CADM2: variants seen among roughly 807,000 people sequenced by gnomAD.
CADM2 encodes the protein immunoglobulin superfamily member 4D.
Under a neutral mutation model 49.8 loss-of-function variants are expected in CADM2, and 12 were observed. That is an observed-to-expected ratio of 0.24 (90% CI 0.15 to 0.39). The LOEUF is 0.39. Ranked by LOEUF, CADM2 falls within the 10% of genes least tolerant of loss-of-function variation. CADM2 has a pLI of 1.00. For missense variants in CADM2, 378 were observed against 492.3 expected, an observed-to-expected ratio of 0.77 and a Z score of 2.20; for synonymous variants, 214 against 175.4, an observed-to-expected ratio of 1.22 and a Z score of -1.74.
At chr3:85,373,129 C>A (rs1187009156) in intron 1 of CADM2, among the ~76,000 whole-genome samples, 2 of 152,054 alleles carry the variant, frequency 1.3e-5, no homozygotes, top group Non-Finnish European at 2.9e-5. Flanking sequence ...AGTCCACAGC[C>A]CAAAGTATCC....
Position 85,173,050 on chromosome 3 carries a change from G to GA in CADM2, c.61+213383dup, listed in dbSNP as rs2040673941. ...TGCTCTGTCGCCCAGGCTGGGTTGC[G>GA]ATGGTGCAATCTCAGCTCACTGCAA... On this transcript the variant is annotated intron_variant, in intron 1 of 9. Coordinates refer to ENST00000383699, the MANE Select transcript of CADM2 (RefSeq NM_001167675.2). 2.0e-5 allele frequency among the ~76,000 whole-genome samples: 3 copies of GA among 147,888 alleles called. No individual in the cohort carries two copies. In the East Asian group the frequency reaches 6.0e-4, roughly 29 times the overall value.
chr3:84,981,670 T>A (rs2032190363), intron 1 of CADM2, among the ~76,000 whole-genome samples: 1 of 152,098 alleles, frequency 6.6e-6, no homozygotes, highest in Non-Finnish European at 1.5e-5. Context: ...TTTCCTTTCT[T>A]CCTCCTTCCC....
At chr3:85,518,738 T>C (rs60731492) in intron 1 of CADM2, among the ~76,000 whole-genome samples, 294 of 152,224 alleles carry the variant, frequency 1.9e-3, no homozygotes, top group African/African-American at 7.0e-3. Context: ...TCCTCCTTTT[T>C]TCATGGTCTC....
chr3:85,215,571 T>C lies in CADM2; in HGVS notation c.61+255903T>C, dbSNP rs146006051. Among the ~76,000 whole-genome samples, 369 of 151,952 alleles carry C rather than the reference T, an allele frequency of 2.4e-3. 2 individuals are homozygous for C. The highest frequency in any genetic ancestry group is 2.2e-3 in the Non-Finnish European group (150 of 67,954). On this transcript the variant is annotated intron_variant, in intron 1 of 9. Coordinates refer to ENST00000383699, the MANE Select transcript of CADM2 (RefSeq NM_001167675.2). ...CGGAGAGGTAACACAAGCACTCCCTTAACCACCCAAGCTGGTGTCTCACTC... is the reference window on the plus strand; with the variant it reads ...CGGAGAGGTAACACAAGCACTCCCTCAACCACCCAAGCTGGTGTCTCACTC...
chr3:85,537,698 A>G (rs978309562), intron 1 of CADM2, among the ~76,000 whole-genome samples: 8 of 152,036 alleles, frequency 5.3e-5, no homozygotes, highest in African/African-American at 1.4e-4. Context: ...TTTGTGTAAA[A>G]TAACTACAAA....
At chr3:85,579,429 A>G (rs1389991123) in intron 1 of CADM2, among the ~76,000 whole-genome samples, 2 of 152,094 alleles carry the variant, frequency 1.3e-5, no homozygotes, top group Non-Finnish European at 2.9e-5. Context: ...ACAGCATCCT[A>G]ATGGGTCTTT....
intron 1 of CADM2, among the ~76,000 whole-genome samples, chr3:85,150,923 A>AAATAAAAATAAAT (rs1553688804): frequency 8.9e-5 from 13 of 146,816 alleles, no homozygotes; most frequent in African/African-American, 3.0e-4. Flanking sequence ...AAATAAAAAT[A>AAATAAAAATAAAT]AATAATAATA....
intron 1 of CADM2, among the ~76,000 whole-genome samples, chr3:85,313,883 T>C (rs2044402225): frequency 6.6e-6 from 1 of 152,152 alleles, no homozygotes; most frequent in African/African-American, 2.4e-5. Context: ...ATTTAGCTTG[T>C]ATTATCTTAT....
intron 1 of CADM2, among the ~76,000 whole-genome samples, chr3:85,149,456 G>T (rs1176646937): frequency 6.6e-6 from 1 of 152,214 alleles, no homozygotes; most frequent in Non-Finnish European, 1.5e-5. Flanking sequence ...GCCGGGCACG[G>T]TTGCTCACAC....
chr3:86,012,835 A>C (rs916648793), intron 8 of CADM2: 23 of 533,556 alleles, frequency 4.3e-5, no homozygotes, highest in Admixed American at 2.2e-4. Context: ...ATTAGCCGGG[A>C]GCGGTGGCGG....
intron 1 of CADM2, among the ~76,000 whole-genome samples, chr3:85,449,052 A>AAAAAATAATAATAAT (rs71617939): frequency 6.2e-3 from 670 of 107,414 alleles, no homozygotes; most frequent in Non-Finnish European, 9.6e-3. Flanking sequence ...TCCAACTCAA[A>AAAAAATAATAATAAT]AATAATAATA....
At position 85,308,690 on chromosome 3, in the gene CADM2, T is replaced by C. The variant is rs150402684; in HGVS notation, c.61+349022T>C. On this transcript the variant is annotated intron_variant, in intron 1 of 9. Coordinates refer to ENST00000383699, the MANE Select transcript of CADM2 (RefSeq NM_001167675.2). ...TGCAGTGTATGAAGACAGAGCAGTG[T>C]ATATAGAAAGAGCTTTGCAGTGTAT... Among the ~76,000 whole-genome samples, 4 of 152,148 alleles carry C rather than the reference T, an allele frequency of 2.6e-5. No homozygotes were observed. The East Asian group carries it at 5.8e-4, about 22-fold the overall frequency.
intron 3 of CADM2, among the ~76,000 whole-genome samples, chr3:85,865,081 A>G (rs1169420854): frequency 6.6e-6 from 1 of 152,212 alleles, no homozygotes; most frequent in African/African-American, 2.4e-5. Context: ...TCTTGTTTAT[A>G]AGGCTGTGTC....
chr3:85,259,805 A>G (rs1157925284), intron 1 of CADM2, among the ~76,000 whole-genome samples: 1 of 152,124 alleles, frequency 6.6e-6, no homozygotes, highest in African/African-American at 2.4e-5. Context: ...ATTATCACTG[A>G]CTATAGATTT....
At position 85,555,925 on chromosome 3, in the gene CADM2, G is replaced by T. The variant is rs1380282705; in HGVS notation, c.62-170597G>T. 3.3e-5 allele frequency among the ~76,000 whole-genome samples: 5 copies of T among 152,024 alleles called. 1 individual carries two copies. The highest frequency in any genetic ancestry group is 4.1e-4 in the South Asian group (2 of 4,830). ...TTAACTAAAACCTAGAGTGAGTCAT[G>T]GAATGTGACTAACATGTACTGTCTG... On this transcript the variant is annotated intron_variant, in intron 1 of 9. Coordinates refer to ENST00000383699, the MANE Select transcript of CADM2 (RefSeq NM_001167675.2).
intron 1 of CADM2, among the ~76,000 whole-genome samples, chr3:85,064,024 A>C (rs746386417): frequency 2.0e-4 from 31 of 152,100 alleles, no homozygotes; most frequent in Non-Finnish European, 4.1e-4. Flanking sequence ...TAGAGAAATG[A>C]CAAGACATTG....
intron 8 of CADM2, among the ~76,000 whole-genome samples, chr3:85,968,711 C>G (rs528448303): frequency 6.6e-6 from 1 of 151,726 alleles, no homozygotes; most frequent in East Asian, 2.0e-4. Flanking sequence ...GGAAATAAGG[C>G]CAGGCTGTAG....
chr3:85,452,765 G>C (rs1259235965), intron 1 of CADM2, among the ~76,000 whole-genome samples: 1 of 152,126 alleles, frequency 6.6e-6, no homozygotes, highest in African/African-American at 2.4e-5. Flanking sequence ...GATGTGATTC[G>C]CTACACAGTG....
chr3:85,925,204 A>G (rs866903173), intron 6 of CADM2, among the ~76,000 whole-genome samples: 6 of 152,174 alleles, frequency 3.9e-5, no homozygotes, highest in African/African-American at 1.4e-4. Flanking sequence ...TGTCTACAAT[A>G]TTGAGTTTGA....
Sources: gnomAD v4.1 joint callset for allele counts (sites outside exome capture counted in the v4.1 genomes callset) on GRCh38, gnomAD v4.1.1 for gene constraint, MANE v1.5 for transcripts, NCBI Gene and HGNC (gene_info 2026-07-23, HGNC 2026-07-21) for gene names.